TAOK2: variants seen among roughly 807,000 people sequenced by gnomAD.
TAOK2 encodes the protein serine/threonine-protein kinase TAO2.
TAOK2 carries 42 observed loss-of-function variants against 122.5 expected under a neutral mutation model. That is an observed-to-expected ratio of 0.34 (90% CI 0.27 to 0.44). The LOEUF is 0.44. TAOK2 is among the 20% of genes least tolerant of loss of function. The pLI is 1.00. For synonymous variants in TAOK2, 704 were observed against 677.6 expected (o/e 1.04, Z -0.61); for missense variants, 1,264 against 1,644.9 (o/e 0.77, Z 4.01).
intron 9 of TAOK2, 26 bp from the exon 10 acceptor site, chr16:29,981,833 C>T (rs201530160): frequency 1.2e-6 from 2 of 1,603,706 alleles, no homozygotes; most frequent in Admixed American, 3.3e-5. Flanking sequence ...TTCCCCACCC[C>T]TCTCCCACCC....
At position 29,986,125 on chromosome 16, in the gene TAOK2, G is replaced by A; in HGVS notation, c.1993-140G>A. The A allele has an allele frequency of 7.6e-7, 1 of 1,314,044 alleles. No homozygotes were observed. The highest frequency in any genetic ancestry group is 1.0e-6 in the Non-Finnish European group (1 of 957,544). The allele number at this position is 1,314,044 out of a possible 1,614,324, so 81.4% of individuals were successfully genotyped here. On this transcript the variant is annotated intron_variant, in intron 15 of 15. Coordinates refer to ENST00000308893, the MANE Select transcript of TAOK2 (RefSeq NM_016151.4). This position sits in a 1 kb window ranked among gnomAD's most constrained non-coding sequence, Gnocchi z 4.2. ...CAGCTCCCTCTGCCAAGGAGCCCTG[G>A]CCCCTCACTTCCTTGATACTGACCA... is the stretch of plus-strand genomic sequence containing the variant.
rs368171889 is a variant in TAOK2, at chr16:29,987,288, C to T, written c.3016C>T (p.Leu1006Phe). 1 of 1,526,876 alleles carries T rather than the reference C, an allele frequency of 6.5e-7. No individual in the cohort carries two copies. The highest frequency in any genetic ancestry group is 1.4e-5 in the African/African-American group (1 of 71,842). The allele number at this position is 1,526,876 out of a possible 1,614,324, so 94.6% of individuals were successfully genotyped here. The change falls in exon 16 of 16, where the codon CTT becomes TTT. Residue 1006 changes from leucine (L) to phenylalanine (F), a missense_variant. This residue lies in a region of TAOK2 where 824 missense variants were observed against 908.7 expected (regional missense o/e 0.91). Transcript: ENST00000308893. ...GGGTCTGGGGGCCTCCTACCTGCTC[C>T]TTTGTACAGCCCTGCACCTGCCCTC... ...LVGLGASYLL[L>F]CTALHLPSSL...
intron 5 of TAOK2, 36 bp from the exon 6 acceptor site, chr16:29,978,938 C>T (rs766338401): frequency 6.2e-6 from 10 of 1,613,084 alleles, no homozygotes; most frequent in South Asian, 3.3e-5. Context: ...CCCACCCTTG[C>T]GCTCCCTCGG....
chr16:29,989,941 GTGTTCTCC>G, downstream of TAOK2: 1 of 747,974 alleles, frequency 1.3e-6, no homozygotes, highest in Non-Finnish European at 2.1e-6. Flanking sequence ...CCCTCTGTTC[GTGTTCTCC>G]ACAATGATTT....
chr16:29,978,431 G>T, intron 4 of TAOK2, 78 bp downstream of exon 4: 1 of 1,455,856 alleles, frequency 6.9e-7, no homozygotes, highest in African/African-American at 1.4e-5. Context: ...CTCTTAGGTG[G>T]TCCCTGTTCG....
intron 1 of TAOK2, among the ~76,000 whole-genome samples, chr16:29,977,236 G>A (rs1278707517): frequency 6.6e-6 from 1 of 152,102 alleles, no homozygotes; most frequent in Non-Finnish European, 1.5e-5. Flanking sequence ...TTCTAACAAT[G>A]GACGGATTTC....
Position 29,985,984 on chromosome 16 carries a change from C to A in TAOK2, c.1992+123C>A. 8.1e-7 allele frequency: 1 copy of A among 1,232,450 alleles called. No individual in the cohort carries two copies. Among genetic ancestry groups the A allele is most frequent in the Non-Finnish European group, 1.1e-6 (1 of 887,482 alleles). 76.3% of individuals were successfully genotyped at this position (1,232,450 alleles called of 1,614,324 possible). A position where few individuals can be genotyped will look rare whatever the true frequency, so the allele number is the denominator to read the frequency against. On this transcript the variant is annotated intron_variant, in intron 15 of 15. Coordinates refer to ENST00000308893, the MANE Select transcript of TAOK2 (RefSeq NM_016151.4). The surrounding 1 kb of genome is among the most constrained non-coding windows in gnomAD (Gnocchi z 6.9). ...CCTCGAGTGTTACAGTTCAGCTTTG[C>A]TTCAGTGCCCCTTTTACTTCTCATC... is the stretch of plus-strand genomic sequence containing the variant.
At chr16:29,991,740 C>G (rs1439558625), downstream of TAOK2, 1 of 878,734 alleles carries the variant, frequency 1.1e-6, no homozygotes, top group Non-Finnish European at 1.5e-6. The surrounding 1 kb of genome is among the most constrained non-coding windows in gnomAD (Gnocchi z 5.6). Context: ...TGGCCCAGGG[C>G]CAGCTTGGCG....
downstream of TAOK2, chr16:29,989,546 C>T: frequency 3.1e-6 from 5 of 1,609,602 alleles, no homozygotes; most frequent in Non-Finnish European, 3.4e-6. Flanking sequence ...TCTTCCTCCT[C>T]CTCTTCCCCG....
downstream of TAOK2, chr16:29,989,284 G>A (rs753825178): frequency 4.1e-6 from 4 of 984,714 alleles, no homozygotes; most frequent in African/African-American, 1.8e-5. Flanking sequence ...CGTGGGTATC[G>A]CACCCAACTC....
downstream of TAOK2, chr16:29,991,137 G>C (rs752544450): frequency 1.9e-6 from 3 of 1,609,692 alleles, no homozygotes; most frequent in Non-Finnish European, 1.7e-6. The surrounding 1 kb of genome is among the most constrained non-coding windows in gnomAD (Gnocchi z 5.6). Context: ...CGAGGCCTTC[G>C]ATGCGGAAAG....
In TAOK2 at chr16:29,985,721, GAGCAGCTCC is replaced by G; in HGVS notation, c.1858_1866del (p.Leu620_Gln622del). On this transcript the variant is annotated inframe_deletion, in exon 15 of 16. Transcript: ENST00000308893. This position sits in a 1 kb window ranked among gnomAD's most constrained non-coding sequence, Gnocchi z 6.9. ...GGCCGAGTGGCTGCTGCGGCAGAAG[GAGCAGCTCC>G]AGCAGTGCCAGGCGGAGGAGGAAGC... 1 of 1,608,820 alleles carries G rather than the reference GAGCAGCTCC, an allele frequency of 6.2e-7. No homozygotes were observed. The highest frequency in any genetic ancestry group is 8.5e-7 in the Non-Finnish European group (1 of 1,178,266).
intron 8 of TAOK2, chr16:29,980,543 C>G (rs377115490): frequency 2.6e-5 from 4 of 152,200 alleles, no homozygotes; most frequent in Non-Finnish European, 5.9e-5. Flanking sequence ...TGGGCTCCAC[C>G]CTCTGAGTGT....
intron 11 of TAOK2, 38 bp downstream of exon 11, chr16:29,982,939 A>C: frequency 6.2e-7 from 1 of 1,610,016 alleles, no homozygotes; most frequent in South Asian, 1.1e-5. Context: ...TTTATACCCC[A>C]TGTGTGCCTG....
chr16:29,987,314 C>T lies in TAOK2; in HGVS notation c.3042C>T (p.Ser1014=). The change falls in exon 16 of 16, where the codon TCC becomes TCT. Residue 1014 remains serine (S), a synonymous_variant. Transcript: ENST00000308893. The part of the protein sequence containing the change: ...LLLCTALHLP[S]SLFLLLAQGT... The stretch of plus-strand genomic sequence containing the variant: ...TTTGTACAGCCCTGCACCTGCCCTC[C>T]AGTCTTTTCCTACTCCTGGCCCAGG... 6.6e-7 allele frequency: 1 copy of T among 1,526,018 alleles called. No individual in the cohort carries two copies. Among genetic ancestry groups the T allele is most frequent in the South Asian group, 1.3e-5 (1 of 76,264 alleles). 94.5% of individuals were successfully genotyped at this position (1,526,018 alleles called of 1,614,324 possible).
Position 29,981,846 on chromosome 16 carries a change from C to T in TAOK2, c.750-13C>T. The T allele has an allele frequency of 6.2e-7, 1 of 1,613,580 alleles. No individual in the cohort carries two copies. The highest frequency in any genetic ancestry group is 8.5e-7 in the Non-Finnish European group (1 of 1,179,510). On this transcript the variant is annotated splice_polypyrimidine_tract_variant and intron_variant, in intron 9 of 15. Transcript: ENST00000308893. ...CCTTCCCCACCCCTCTCCCACCCTC[C>T]TGTGACTTTCAGGTCTGAGTACTTC...
chr16:29,986,656 C>G lies in TAOK2; in HGVS notation c.2384C>G (p.Ala795Gly). 6.2e-7 allele frequency: 1 copy of G among 1,612,292 alleles called. No homozygotes were observed. Among genetic ancestry groups the G allele is most frequent in the Non-Finnish European group, 8.5e-7 (1 of 1,179,354 alleles). The change falls in exon 16 of 16, where the codon GCA becomes GGA. Residue 795 changes from alanine to glycine, a missense_variant. Around this residue, in one of 4 missense-constraint regions of TAOK2, gnomAD observed 824 missense variants for 908.7 expected, o/e 0.91. Coordinates refer to ENST00000308893, the MANE Select transcript of TAOK2 (RefSeq NM_016151.4). The surrounding 1 kb of genome is among the most constrained non-coding windows in gnomAD (Gnocchi z 4.2). ...DQRMLGEEEEAVGERRILGKE... is the reference protein window; with the variant it reads ...DQRMLGEEEEGVGERRILGKE... ...AGAATGCTTGGCGAGGAGGAGGAAG[C>G]AGTTGGAGAGAGAAGGATTCTGGGA... is the stretch of plus-strand genomic sequence containing the variant.
chr16:29,990,872 GCAAGAT>G, downstream of TAOK2: 1 of 1,613,710 alleles, frequency 6.2e-7, no homozygotes, highest in Non-Finnish European at 8.5e-7. Flanking sequence ...GCTTACCAGA[GCAAGAT>G]CAAGATCCGC....
chr16:29,975,274 G>A (rs1208582798), intron 1 of TAOK2, among the ~76,000 whole-genome samples: 1 of 152,158 alleles, frequency 6.6e-6, no homozygotes, highest in African/African-American at 2.4e-5. Context: ...TCTCTCATGT[G>A]ACATCCCCGC....
Sources: allele counts gnomAD v4.1 joint callset (sites outside exome capture counted in the v4.1 genomes callset), GRCh38; gene constraint gnomAD v4.1.1; regional missense constraint gnomAD v4.1.1; non-coding constraint Gnocchi (gnomAD v3.1); transcripts MANE v1.5; gene names NCBI Gene and HGNC (gene_info 2026-07-23, HGNC 2026-07-21).